The following STAG1 variants were observed in gnomAD, a reference collection of about 807,000 sequenced individuals.
The protein encoded by STAG1 is cohesin subunit SA-1.
STAG1 carries 26 observed loss-of-function variants against 170.9 expected under a neutral mutation model. The ratio of observed to expected loss-of-function variants is 0.15; its 90% CI spans 0.11 to 0.21. The LOEUF (loss-of-function observed/expected upper bound fraction) is 0.21. STAG1 is among the 10% of genes least tolerant of loss of function. STAG1 has a pLI of 1.00. For synonymous variants in STAG1, 514 were observed against 497.7 expected, an observed-to-expected ratio of 1.03 and a Z score of -0.44; for missense variants, 964 against 1,509.5, an observed-to-expected ratio of 0.64 and a Z score of 5.99.
At chr3:136,624,571 C>CAG (rs1394453362) in intron 2 of STAG1, among the ~76,000 whole-genome samples, 1 of 152,190 alleles carries the variant, frequency 6.6e-6, no homozygotes, top group African/African-American at 2.4e-5. Context: ...TCTGCTGACT[C>CAG]AGATAAGGGC....
At chr3:136,689,063 G>T (rs989656664) in intron 1 of STAG1, among the ~76,000 whole-genome samples, 8 of 152,186 alleles carry the variant, frequency 5.3e-5, no homozygotes, top group Non-Finnish European at 1.2e-4. Context: ...GATTCTTTAT[G>T]GTGTTCTTTA....
chr3:136,635,506 C>T lies in STAG1; in HGVS notation c.-83-4525G>A, dbSNP rs75821108. On this transcript the variant is annotated intron_variant, in intron 1 of 33. Coordinates refer to ENST00000383202, the MANE Select transcript of STAG1 (RefSeq NM_005862.3). ...GAGTATCTCCAAACGCTGCAGCTAA[C>T]ATCACATGTAATGGAGAGAAACTCA... Among the ~76,000 whole-genome samples the T allele has an allele frequency of 5.7e-3, 873 of 152,268 alleles. 7 individuals are homozygous for T. Among genetic ancestry groups the T allele is most frequent in the African/African-American group, 0.02 (816 of 41,542 alleles).
chr3:136,531,013 G>A (rs1167338410), intron 6 of STAG1, among the ~76,000 whole-genome samples: 1 of 152,136 alleles, frequency 6.6e-6, no homozygotes, highest in African/African-American at 2.4e-5. Context: ...GCAGAGGCAG[G>A]AGAATCACCT....
chr3:136,450,248 C>T (rs1576476866), intron 14 of STAG1, among the ~76,000 whole-genome samples: 3 of 152,170 alleles, frequency 2.0e-5, no homozygotes, highest in South Asian at 2.1e-4. Context: ...CCTTGGACCA[C>T]GAGCATGAGC....
chr3:136,650,282 T>C (rs1576715067), intron 1 of STAG1, among the ~76,000 whole-genome samples: 1 of 147,298 alleles, frequency 6.8e-6, no homozygotes, highest in Non-Finnish European at 1.5e-5. Context: ...ATAATAGAAA[T>C]AAATATTCCA....
At chr3:136,744,678 T>TC (rs1216162042) in intron 1 of STAG1, among the ~76,000 whole-genome samples, 1 of 148,938 alleles carries the variant, frequency 6.7e-6, no homozygotes, top group African/African-American at 2.5e-5. Flanking sequence ...ACCATCTTTT[T>TC]TTTTTTTTTT....
chr3:136,500,514 C>T (rs141055272), intron 8 of STAG1, among the ~76,000 whole-genome samples: 87 of 152,284 alleles, frequency 5.7e-4, no homozygotes, highest in African/African-American at 2.1e-3. Flanking sequence ...TCTCTAGACA[C>T]AAACTTCACA....
rs543236098 is a variant in STAG1, at chr3:136,649,304, C to A, written c.-83-18323G>T. Among the ~76,000 whole-genome samples the A allele has an allele frequency of 4.0e-3, 609 of 151,866 alleles. 11 individuals are homozygous for A. The highest frequency in any genetic ancestry group is 1.6e-3 in the Non-Finnish European group (108 of 67,976). On this transcript the variant is annotated intron_variant, in intron 1 of 33. Coordinates refer to ENST00000383202, the MANE Select transcript of STAG1 (RefSeq NM_005862.3). ...GACCAGCCTGGCCAACACAGCAAAA[C>A]CCCATCTCTACTAAAAACATAAAAA...
chr3:136,472,596 G>A (rs2089653743), intron 11 of STAG1, 104 bp from the exon 12 acceptor site: 4 of 706,218 alleles, frequency 5.7e-6, no homozygotes, highest in African/African-American at 1.8e-5. Context: ...CTAATGATAG[G>A]TTAAATAAAA....
At chr3:136,718,078 C>T (rs1651655350) in intron 1 of STAG1, among the ~76,000 whole-genome samples, 1 of 152,144 alleles carries the variant, frequency 6.6e-6, no homozygotes, top group Admixed American at 6.5e-5. Flanking sequence ...TAAAAAACCA[C>T]TCCAAAATAT....
rs1449775395 is a variant in STAG1, at chr3:136,480,915, T to C, written c.903-3503A>G. 2.0e-3 allele frequency among the ~76,000 whole-genome samples: 289 copies of C among 144,624 alleles called. 2 individuals are homozygous for C. Among genetic ancestry groups the C allele is most frequent in the African/African-American group, 6.9e-3 (274 of 39,936 alleles). 94.9% of individuals were successfully genotyped at this position (144,624 alleles called of 152,430 possible). ...TGGTGTATAAGAATGCTTGTGATTT[T>C]TGTACATTGATTTTGTATCCTGAGA... On this transcript the variant is annotated intron_variant, in intron 9 of 33. Coordinates refer to ENST00000383202, the MANE Select transcript of STAG1 (RefSeq NM_005862.3).
intron 4 of STAG1, among the ~76,000 whole-genome samples, chr3:136,588,030 T>C (rs755087167): frequency 3.9e-4 from 60 of 152,274 alleles, no homozygotes; most frequent in Non-Finnish European, 7.1e-4. Flanking sequence ...GAGTAAAGAT[T>C]AATCAAGTCC....
chr3:136,463,081 G>C (rs2089318970), intron 13 of STAG1, among the ~76,000 whole-genome samples: 1 of 152,162 alleles, frequency 6.6e-6, no homozygotes, highest in Admixed American at 6.5e-5. Context: ...CTTGGTATCA[G>C]TGACAGACAA....
At chr3:136,750,856 G>C (rs1024151657) in intron 1 of STAG1, among the ~76,000 whole-genome samples, 2 of 152,096 alleles carry the variant, frequency 1.3e-5, no homozygotes, top group Non-Finnish European at 2.9e-5. Flanking sequence ...CATACATTAT[G>C]AATATTAGAA....
rs182346809 is a variant in STAG1 at position 136,373,181 on chromosome 3, G to A, written c.2371-3899C>T. Among the ~76,000 whole-genome samples the A allele has an allele frequency of 4.7e-3, 716 of 152,260 alleles. 2 individuals carry two copies. Among genetic ancestry groups the A allele is most frequent in the Non-Finnish European group, 7.8e-3 (528 of 68,030 alleles). On this transcript the variant is annotated intron_variant, in intron 23 of 33. Transcript: ENST00000383202. ...CTAATGGTAGTTTGTATTTCTGTAG[G>A]ATCGGTGGTGATATCCCCTTTGTCA...
intron 1 of STAG1, among the ~76,000 whole-genome samples, chr3:136,739,520 G>GAAAAAAAAAAAAAAAAAAAAAA: frequency 8.3e-6 from 1 of 120,720 alleles, no homozygotes; most frequent in Non-Finnish European, 1.7e-5. Flanking sequence ...AAAAAAAAAA[G>GAAAAAAAAAAAAAAAAAAAAAA]AAAAAAAAAA....
intron 1 of STAG1, among the ~76,000 whole-genome samples, chr3:136,687,544 T>C (rs1942572739): frequency 6.6e-6 from 1 of 152,096 alleles, no homozygotes; most frequent in African/African-American, 2.4e-5. Flanking sequence ...ATACAAAATC[T>C]GAATAGTTGC....
intron 2 of STAG1, among the ~76,000 whole-genome samples, chr3:136,628,248 G>A (rs1940190611): frequency 1.3e-5 from 2 of 152,054 alleles, no homozygotes; most frequent in Non-Finnish European, 2.9e-5. Context: ...ACCTTCCTGA[G>A]GCCTCGCCAG....
intron 26 of STAG1, among the ~76,000 whole-genome samples, chr3:136,360,298 A>G (rs1936811999): frequency 6.6e-6 from 1 of 152,092 alleles, no homozygotes; most frequent in South Asian, 2.1e-4. Context: ...CGCCTGCTCA[A>G]TAGTTTTGCT....
Sources: allele counts gnomAD v4.1 joint callset (sites outside exome capture counted in the v4.1 genomes callset), GRCh38; gene constraint gnomAD v4.1.1; transcripts MANE v1.5; gene names NCBI Gene and HGNC (gene_info 2026-07-23, HGNC 2026-07-21).